The following B4GALNT3 variants were observed in gnomAD, a reference collection of about 807,000 sequenced individuals.
B4GALNT3 encodes the protein beta-1,4-N-acetylgalactosaminyltransferase 3.
A neutral mutation model predicts 120.2 loss-of-function variants in B4GALNT3; 86 were observed. The observed-to-expected ratio is 0.72, with a 90% CI of 0.60 to 0.86. The LOEUF (loss-of-function observed/expected upper bound fraction) is 0.86, where lower values mean the gene tolerates loss of function less well. Among genes scored for constraint, B4GALNT3 ranks in the 40% least tolerant of loss-of-function variants. The pLI is 0.00. For missense variants in B4GALNT3, 1,167 were observed against 1,298.9 expected, an observed-to-expected ratio of 0.90 and a Z score of 1.56; for synonymous variants, 518 against 510.4, an observed-to-expected ratio of 1.01 and a Z score of -0.20.
At chr12:477,830 T>A (rs1946198378) in intron 1 of B4GALNT3, among the ~76,000 whole-genome samples, 2 of 152,218 alleles carry the variant, frequency 1.3e-5, no homozygotes, top group African/African-American at 4.8e-5. Flanking sequence ...GATATTTTCA[T>A]AATCCTAGTT....
chr12:511,751 CCTT>C (rs1565598201), intron 1 of B4GALNT3, among the ~76,000 whole-genome samples: 3 of 120,988 alleles, frequency 2.5e-5, no homozygotes, highest in South Asian at 3.0e-4. Context: ...CCACCTTCCA[CCTT>C]CTTCCACCTT....
chr12:480,940 T>C (rs970957279), intron 1 of B4GALNT3, among the ~76,000 whole-genome samples: 1 of 152,238 alleles, frequency 6.6e-6, no homozygotes, highest in Non-Finnish European at 1.5e-5. Flanking sequence ...GCCTTGCCTC[T>C]ATCTCTCCCT....
At chr12:530,848 A>G (rs1946799562) in intron 1 of B4GALNT3, among the ~76,000 whole-genome samples, 1 of 152,170 alleles carries the variant, frequency 6.6e-6, no homozygotes, top group African/African-American at 2.4e-5. Context: ...ATGTTGGCAA[A>G]GCTCCGGCTG....
intron 15 of B4GALNT3, 92 bp from the exon 16 acceptor site, chr12:557,516 C>A: frequency 7.2e-7 from 1 of 1,396,256 alleles, no homozygotes; most frequent in South Asian, 1.3e-5. Context: ...GATGGGCACT[C>A]CTGACTCACC....
In B4GALNT3 at chr12:490,510, G is replaced by A. The variant is rs184766720; in HGVS notation, c.169+29965G>A. ...CTAGCACTTTGGGAGGCAGAAGTGGGCAGATCACTTTAAGCTCAGTAGTTC... is the reference window on the plus strand; with the variant it reads ...CTAGCACTTTGGGAGGCAGAAGTGGACAGATCACTTTAAGCTCAGTAGTTC... On this transcript the variant is annotated intron_variant, in intron 1 of 19. Transcript: ENST00000266383. 4.1e-4 allele frequency among the ~76,000 whole-genome samples: 63 copies of A among 152,274 alleles called. 3 individuals carry two copies. In the East Asian group the frequency reaches 0.011, roughly 27 times the overall value.
At chr12:554,535 A>C (rs1231707983) in intron 14 of B4GALNT3, among the ~76,000 whole-genome samples, 2 of 152,204 alleles carry the variant, frequency 1.3e-5, no homozygotes, top group African/African-American at 4.8e-5. Context: ...TCACGCCTGT[A>C]ATCCCAGCAC....
chr12:481,871 A>G (rs1266763880), intron 1 of B4GALNT3, among the ~76,000 whole-genome samples: 2 of 152,012 alleles, frequency 1.3e-5, no homozygotes, highest in Admixed American at 6.5e-5. Flanking sequence ...CTCTTGCATC[A>G]AGATATTTCT....
intron 1 of B4GALNT3, among the ~76,000 whole-genome samples, chr12:512,016 TCCGC>T (rs1592032566): frequency 7.5e-6 from 1 of 133,632 alleles, no homozygotes; most frequent in African/African-American, 3.0e-5. Flanking sequence ...CCTTCCACCT[TCCGC>T]CTTCCACCTT....
At chr12:551,691 G>T (rs980707415) in intron 11 of B4GALNT3, among the ~76,000 whole-genome samples, 1 of 152,152 alleles carries the variant, frequency 6.6e-6, no homozygotes, top group Non-Finnish European at 1.5e-5. Flanking sequence ...GGTTGTTCTA[G>T]GGCTGTGGGA....
chr12:554,781 C>T (rs1319692537), intron 14 of B4GALNT3, among the ~76,000 whole-genome samples: 2 of 97,502 alleles, frequency 2.1e-5, no homozygotes, highest in East Asian at 3.3e-4. Context: ...CAGAGCAAGA[C>T]TCCGTCTCAA....
intron 1 of B4GALNT3, among the ~76,000 whole-genome samples, chr12:519,991 C>T (rs1373720929): frequency 6.6e-6 from 1 of 152,102 alleles, no homozygotes; most frequent in Non-Finnish European, 1.5e-5. Flanking sequence ...TATATTTGAC[C>T]TAGCATTGGT....
intron 1 of B4GALNT3, among the ~76,000 whole-genome samples, chr12:515,493 A>G (rs12826292): frequency 0.83 from 126,379 of 151,872 alleles, 52,721 homozygotes; most frequent in African/African-American, 0.88. Context: ...CACCGCACCC[A>G]GCCTCAAAGG....
intron 3 of B4GALNT3, among the ~76,000 whole-genome samples, chr12:536,518 T>C (rs1001584465): frequency 6.6e-6 from 1 of 152,190 alleles, no homozygotes; most frequent in African/African-American, 2.4e-5. Flanking sequence ...AGTTTTTTGT[T>C]GTTGTTGTTT....
Position 548,128 on chromosome 12 carries a change from TC to T in B4GALNT3, c.786+29del, listed in dbSNP as rs1947031413. On this transcript the variant is annotated intron_variant, in intron 8 of 19. Transcript: ENST00000266383. This position sits in a 1 kb window ranked among gnomAD's most constrained non-coding sequence, Gnocchi z 4.9. ...GTGAGTTTCCTGCTGCTCCCGCCTC[TC>T]CCAGCTCAGTTCCTGGCACTCATCT... is the stretch of plus-strand genomic sequence containing the variant. 1.2e-6 allele frequency: 2 copies of T among 1,612,242 alleles called. No individual in the cohort carries two copies. Among genetic ancestry groups the T allele is most frequent in the African/African-American group, 1.3e-5 (1 of 74,890 alleles).
At chr12:534,059 C>T (rs1946834653) in intron 1 of B4GALNT3, among the ~76,000 whole-genome samples, 4 of 152,222 alleles carry the variant, frequency 2.6e-5, no homozygotes, top group African/African-American at 9.6e-5. Flanking sequence ...CTAATTCCGT[C>T]TAAGCAGTGC....
chr12:546,593 G>A (rs764133886), intron 6 of B4GALNT3, 53 bp from the exon 7 acceptor site: 6 of 1,496,036 alleles, frequency 4.0e-6, no homozygotes, highest in African/African-American at 1.4e-5. Context: ...ACCGCCTCGC[G>A]TGCTTCCTGT....
intron 1 of B4GALNT3, among the ~76,000 whole-genome samples, chr12:498,403 C>T (rs769239858): frequency 6.6e-6 from 1 of 152,174 alleles, no homozygotes; most frequent in Non-Finnish European, 1.5e-5. Context: ...GCTCCAAACC[C>T]TCTACCATGC....
At chr12:479,792 G>C (rs535327511) in intron 1 of B4GALNT3, among the ~76,000 whole-genome samples, 4 of 151,380 alleles carry the variant, frequency 2.6e-5, no homozygotes, top group Non-Finnish European at 4.4e-5. Context: ...GCCTTTAGTG[G>C]TCGGGTGATT....
chr12:515,011 C>G (rs12368376), intron 1 of B4GALNT3, among the ~76,000 whole-genome samples: 22,696 of 152,070 alleles, frequency 0.15, 1,869 homozygotes, highest in South Asian at 0.2. Context: ...GAGCAAGGCT[C>G]TGTCTCAAAA....
Sources: gnomAD v4.1 joint callset for allele counts (sites outside exome capture counted in the v4.1 genomes callset) on GRCh38, gnomAD v4.1.1 for gene constraint, Gnocchi (gnomAD v3.1) non-coding constraint, MANE v1.5 for transcripts, NCBI Gene and HGNC (gene_info 2026-07-23, HGNC 2026-07-21) for gene names.